Variants in LRRTM4 observed in about 807,000 individuals in gnomAD.
The protein encoded by LRRTM4 is leucine-rich repeat transmembrane neuronal protein 4.
Under a neutral mutation model 47.6 loss-of-function variants are expected in LRRTM4, and 25 were observed. That is an observed-to-expected ratio of 0.53 (90% CI 0.38 to 0.73). The LOEUF (loss-of-function observed/expected upper bound fraction) is 0.73. Ranked by LOEUF, LRRTM4 falls within the 30% of genes least tolerant of loss-of-function variation. The pLI, the probability that LRRTM4 is intolerant of heterozygous loss-of-function variation, is 0.00. For missense variants in LRRTM4, 638 were observed against 713.4 expected (o/e 0.89, Z 1.20); for synonymous variants, 311 against 269.5 (o/e 1.15, Z -1.51).
chr2:77,205,592 G>C (rs539380750), intron 3 of LRRTM4, among the ~76,000 whole-genome samples: 1 of 152,280 alleles, frequency 6.6e-6, no homozygotes, highest in South Asian at 2.1e-4. Context: ...CAAAGAGGAA[G>C]AGGGAGAATG....
intron 3 of LRRTM4, among the ~76,000 whole-genome samples, chr2:77,295,565 T>C (rs532459703): frequency 1.3e-5 from 2 of 152,262 alleles, no homozygotes; most frequent in African/African-American, 4.8e-5. Context: ...GTACTGCAGA[T>C]TGAGTGGCCT....
chr2:76,884,033 T>G (rs543059820), intron 3 of LRRTM4, among the ~76,000 whole-genome samples: 1 of 151,776 alleles, frequency 6.6e-6, no homozygotes, highest in Non-Finnish European at 1.5e-5. Context: ...TTGTTCAGGC[T>G]GGTCTCCAAC....
At chr2:77,414,386 A>G (rs1445492668) in intron 3 of LRRTM4, among the ~76,000 whole-genome samples, 1 of 152,116 alleles carries the variant, frequency 6.6e-6, no homozygotes, top group Admixed American at 6.5e-5. Flanking sequence ...ACTTAGTACT[A>G]TGTGAACAGT....
chr2:77,419,931 T>G (rs942483728), intron 3 of LRRTM4, among the ~76,000 whole-genome samples: 1 of 152,200 alleles, frequency 6.6e-6, no homozygotes, highest in Non-Finnish European at 1.5e-5. Context: ...GCTTGTACTG[T>G]AGCCCCATTC....
intron 3 of LRRTM4, among the ~76,000 whole-genome samples, chr2:76,913,176 G>A (rs1166973666): frequency 6.6e-6 from 1 of 151,922 alleles, no homozygotes; most frequent in Non-Finnish European, 1.5e-5. Flanking sequence ...CCATAATCTT[G>A]ACCCATTTGT....
At chr2:76,905,152 C>A (rs911895154) in intron 3 of LRRTM4, among the ~76,000 whole-genome samples, 3 of 152,158 alleles carry the variant, frequency 2.0e-5, no homozygotes, top group Non-Finnish European at 2.9e-5. Context: ...TGAGACAAAA[C>A]TTCCAGAGGA....
chr2:77,311,969 C>T (rs1677468165), intron 3 of LRRTM4, among the ~76,000 whole-genome samples: 1 of 152,034 alleles, frequency 6.6e-6, no homozygotes. Context: ...CCTTACTACC[C>T]CACAAATAAA....
intron 3 of LRRTM4, among the ~76,000 whole-genome samples, chr2:76,913,513 T>C (rs1674141797): frequency 6.6e-6 from 1 of 151,204 alleles, no homozygotes; most frequent in East Asian, 2.0e-4. Flanking sequence ...CTTTGTCACC[T>C]ACTTCCAAAT....
chr2:77,363,387 C>T (rs1316999583), intron 3 of LRRTM4, among the ~76,000 whole-genome samples: 1 of 152,048 alleles, frequency 6.6e-6, no homozygotes, highest in Non-Finnish European at 1.5e-5. Context: ...AAAATATACT[C>T]CCAAGAATAT....
rs536144841 is a variant in LRRTM4, at chr2:77,077,532, G to A, written c.1552-328616C>T. 2.0e-5 allele frequency among the ~76,000 whole-genome samples: 3 copies of A among 152,214 alleles called. No homozygotes were observed. The East Asian group carries it at 5.8e-4, about 29-fold the overall frequency. ...AAAAGTCATTAGAACTGCCTGTAGA[G>A]CATGGTGGAAAACCCAGTTCATTGG... is the stretch of plus-strand genomic sequence containing the variant. On this transcript the variant is annotated intron_variant, in intron 3 of 3. Transcript: ENST00000409884.
chr2:77,131,320 C>T (rs1257845668), intron 3 of LRRTM4, among the ~76,000 whole-genome samples: 1 of 152,150 alleles, frequency 6.6e-6, no homozygotes, highest in Admixed American at 6.5e-5. Flanking sequence ...AGGCCCTTCC[C>T]TTCTAAATGT....
At chr2:77,455,166 T>C (rs951521904) in intron 3 of LRRTM4, among the ~76,000 whole-genome samples, 1 of 152,228 alleles carries the variant, frequency 6.6e-6, no homozygotes, top group Non-Finnish European at 1.5e-5. Flanking sequence ...CTAGCCTGGA[T>C]GACAGAGCAA....
intron 3 of LRRTM4, among the ~76,000 whole-genome samples, chr2:76,807,471 C>CACACAT (rs545039725): frequency 0.11 from 10,880 of 97,292 alleles, 960 homozygotes; most frequent in East Asian, 0.41. Flanking sequence ...TATATATATA[C>CACACAT]ATATATATAT....
chr2:76,963,948 A>G (rs547863545), intron 3 of LRRTM4, among the ~76,000 whole-genome samples: 3 of 150,994 alleles, frequency 2.0e-5, no homozygotes, highest in African/African-American at 7.2e-5. Context: ...TAATATTTTA[A>G]TAATGAATAT....
At chr2:77,367,114 T>A (rs1672489634) in intron 3 of LRRTM4, among the ~76,000 whole-genome samples, 1 of 151,836 alleles carries the variant, frequency 6.6e-6, no homozygotes, top group Admixed American at 6.6e-5. Flanking sequence ...AGCCTGAATG[T>A]ATTGATTTCT....
intron 3 of LRRTM4, among the ~76,000 whole-genome samples, chr2:77,024,280 C>G (rs1402532149): frequency 6.6e-6 from 1 of 152,112 alleles, no homozygotes; most frequent in African/African-American, 2.4e-5. Flanking sequence ...CTGTTCTACT[C>G]TTTGTTTCTA....
At chr2:77,272,262 C>T (rs1479821545) in intron 3 of LRRTM4, among the ~76,000 whole-genome samples, 1 of 152,104 alleles carries the variant, frequency 6.6e-6, no homozygotes, top group African/African-American at 2.4e-5. Flanking sequence ...TAGTGGATGG[C>T]TCAGGCAAAT....
At position 77,204,353 on chromosome 2, in the gene LRRTM4, C is replaced by CTGATGATGATGACAA. The variant is rs571140001; in HGVS notation, c.1551+313950_1551+313964dup. Among the ~76,000 whole-genome samples the CTGATGATGATGACAA allele has an allele frequency of 1.1e-3, 160 of 151,814 alleles. 1 individual carries two copies. Among genetic ancestry groups the CTGATGATGATGACAA allele is most frequent in the African/African-American group, 3.7e-3 (152 of 41,386 alleles). ...AAGGTAACTCTTCACTGAATAAATA[C>CTGATGATGATGACAA]TGATGATGATGACAATGATGATGAT... On this transcript the variant is annotated intron_variant, in intron 3 of 3. Transcript: ENST00000409884.
At chr2:77,327,269 T>C (rs188891031) in intron 3 of LRRTM4, among the ~76,000 whole-genome samples, 3 of 152,312 alleles carry the variant, frequency 2.0e-5, no homozygotes, top group Non-Finnish European at 4.4e-5. Flanking sequence ...AATGCTATGA[T>C]AGATTTTAAA....
Sources: gnomAD v4.1 joint callset for allele counts (sites outside exome capture counted in the v4.1 genomes callset) on GRCh38, gnomAD v4.1.1 for gene constraint, MANE v1.5 for transcripts, NCBI Gene and HGNC (gene_info 2026-07-23, HGNC 2026-07-21) for gene names.